PFDN1: variants seen among roughly 807,000 people sequenced by gnomAD.
PFDN1 encodes the protein prefoldin 1.
PFDN1 carries 6 observed loss-of-function variants against 17.3 expected under a neutral mutation model. The ratio of observed to expected loss-of-function variants is 0.35; its 90% CI spans 0.19 to 0.69. The LOEUF (loss-of-function observed/expected upper bound fraction) is 0.69, where lower values mean the gene tolerates loss of function less well. Ranked by LOEUF, PFDN1 falls within the 30% of genes least tolerant of loss-of-function variation. PFDN1 has a pLI of 0.65. For synonymous variants in PFDN1, 58 were observed against 50.1 expected (o/e 1.16, Z -0.67); for missense variants, 113 against 146.2 (o/e 0.77, Z 1.17).
chr5:140,255,841 C>T (rs1484697885), intron 3 of PFDN1, among the ~76,000 whole-genome samples: 3 of 152,112 alleles, frequency 2.0e-5, no homozygotes, highest in Admixed American at 6.5e-5. Flanking sequence ...AAAGTACTGC[C>T]TTTTTTCTGC....
chr5:140,267,346 T>A (rs1211597906), intron 3 of PFDN1, among the ~76,000 whole-genome samples: 2 of 152,220 alleles, frequency 1.3e-5, no homozygotes, highest in African/African-American at 4.8e-5. Context: ...TAAATGCACA[T>A]TTCCATTGTC....
intron 3 of PFDN1, among the ~76,000 whole-genome samples, chr5:140,249,545 A>G (rs1764881854): frequency 6.6e-6 from 1 of 152,184 alleles, no homozygotes; most frequent in Non-Finnish European, 1.5e-5. Context: ...CTCTGTCTCC[A>G]CGGGTGTCTT....
intron 3 of PFDN1, among the ~76,000 whole-genome samples, chr5:140,278,140 G>C (rs1020503378): frequency 6.6e-6 from 1 of 151,604 alleles, no homozygotes; most frequent in Non-Finnish European, 1.5e-5. Flanking sequence ...CCCAGAAGGC[G>C]GAGGCTGCAG....
rs1474594048 is a variant in PFDN1, at chr5:140,274,351, A to C, written c.285+7098T>G. Among the ~76,000 whole-genome samples, 3 of 152,376 alleles carry C rather than the reference A, an allele frequency of 2.0e-5. No individual in the cohort carries two copies. The East Asian group carries it at 5.8e-4, about 29-fold the overall frequency. ...CACAGTTGTAATCATGCTATTTTCT[A>C]AAATTATGCTTGGGTACTTTTCAAA... is the stretch of plus-strand genomic sequence containing the variant. On this transcript the variant is annotated intron_variant, in intron 3 of 3. Transcript: ENST00000261813.
intron 3 of PFDN1, among the ~76,000 whole-genome samples, chr5:140,273,653 T>C (rs1690470598): frequency 6.6e-6 from 1 of 152,168 alleles, no homozygotes; most frequent in African/African-American, 2.4e-5. Flanking sequence ...GTCAAGACTT[T>C]AACAGTTTTT....
chr5:140,264,734 A>G lies in PFDN1; in HGVS notation c.285+16715T>C, dbSNP rs187058770. On this transcript the variant is annotated intron_variant, in intron 3 of 3. Transcript: ENST00000261813. ...GTAGCCTGTGCCTATAGTCTCAGCT[A>G]CTGAGGAGACTGAAGTAGGAGGAAC... Among the ~76,000 whole-genome samples the G allele has an allele frequency of 1.2e-3, 177 of 152,134 alleles. 1 individual carries two copies. In the East Asian group the frequency reaches 0.02, roughly 17 times the overall value.
intron 3 of PFDN1, among the ~76,000 whole-genome samples, chr5:140,256,864 T>C (rs1764994909): frequency 6.6e-6 from 1 of 151,954 alleles, no homozygotes; most frequent in Non-Finnish European, 1.5e-5. Flanking sequence ...GCCTCCATCA[T>C]CTCTTGCCTG....
At chr5:140,272,094 A>T (rs1479904761) in intron 3 of PFDN1, among the ~76,000 whole-genome samples, 1 of 151,878 alleles carries the variant, frequency 6.6e-6, no homozygotes, top group Non-Finnish European at 1.5e-5. Flanking sequence ...ATCTTGGCTC[A>T]CTGCAACCTC....
At chr5:140,296,672 C>CT (rs1373622718) in intron 2 of PFDN1, among the ~76,000 whole-genome samples, 1 of 152,164 alleles carries the variant, frequency 6.6e-6, no homozygotes, top group African/African-American at 2.4e-5. Context: ...GTGAGGAAAC[C>CT]TATGTGGCAA....
chr5:140,252,115 C>T (rs1054013175), intron 3 of PFDN1, among the ~76,000 whole-genome samples: 1 of 151,874 alleles, frequency 6.6e-6, no homozygotes, highest in Admixed American at 6.6e-5. Context: ...CAGTGCATCC[C>T]TCCACCCCCA....
intron 2 of PFDN1, among the ~76,000 whole-genome samples, chr5:140,289,448 T>A (rs1765547566): frequency 6.6e-6 from 1 of 152,204 alleles, no homozygotes; most frequent in Non-Finnish European, 1.5e-5. Flanking sequence ...CTCTGAGGGA[T>A]GCTGCTGCTT....
At chr5:140,292,306 G>A (rs142814642) in intron 2 of PFDN1, among the ~76,000 whole-genome samples, 1 of 152,226 alleles carries the variant, frequency 6.6e-6, no homozygotes, top group African/African-American at 2.4e-5. Context: ...AGTATTAGAA[G>A]ACAGACAGAG....
At chr5:140,273,832 G>A (rs538036188) in intron 3 of PFDN1, 1 of 850,400 alleles carries the variant, frequency 1.2e-6, no homozygotes, top group East Asian at 1.2e-4. Context: ...CCATGTTGGA[G>A]ACAGAGGGGA....
At chr5:140,256,658 C>CAAAAAAAAAAAAAAAAA (rs757723797) in intron 3 of PFDN1, among the ~76,000 whole-genome samples, 5 of 39,886 alleles carry the variant, frequency 1.3e-4, no homozygotes, top group Admixed American at 4.3e-4. Flanking sequence ...CAAAAAATGA[C>CAAAAAAAAAAAAAAAAA]AAAAAAAAAA....
chr5:140,271,863 A>C (rs1012163477), intron 3 of PFDN1, among the ~76,000 whole-genome samples: 1 of 151,706 alleles, frequency 6.6e-6, no homozygotes, highest in Non-Finnish European at 1.5e-5. Context: ...GCAAAAAAAT[A>C]GTGATTTTGT....
intron 2 of PFDN1, chr5:140,292,821 C>G (rs1765598482): frequency 6.6e-6 from 1 of 152,054 alleles, no homozygotes; most frequent in Non-Finnish European, 1.5e-5. Flanking sequence ...CAGTTAACAG[C>G]AATTTCTGAT....
At chr5:140,246,565 TG>T (rs1764832987) in intron 3 of PFDN1, among the ~76,000 whole-genome samples, 1 of 152,112 alleles carries the variant, frequency 6.6e-6, no homozygotes, top group South Asian at 2.1e-4. Context: ...TCGCACTGAG[TG>T]GGTGAGTCAG....
chr5:140,277,610 C>T (rs113487172), intron 3 of PFDN1, among the ~76,000 whole-genome samples: 1,787 of 151,880 alleles, frequency 0.012, 41 homozygotes, highest in African/African-American at 0.041. Context: ...TGCCTGTGGT[C>T]TCAGCTACTT....
At chr5:140,300,306 G>A in intron 2 of PFDN1, 110 bp downstream of exon 2, 2 of 763,768 alleles carry the variant, frequency 2.6e-6, no homozygotes, top group Admixed American at 2.3e-5. Flanking sequence ...CAGGATTACA[G>A]GCATGAGCCA....
Sources: allele counts gnomAD v4.1 joint callset (sites outside exome capture counted in the v4.1 genomes callset), GRCh38; gene constraint gnomAD v4.1.1; transcripts MANE v1.5; gene names NCBI Gene and HGNC (gene_info 2026-07-23, HGNC 2026-07-21).